KCNA6: variants seen among roughly 807,000 people sequenced by gnomAD.
KCNA6 encodes the protein human brain potassium channel-2.
Under a neutral mutation model 29.5 loss-of-function variants are expected in KCNA6, and 17 were observed. The observed-to-expected ratio is 0.58, with a 90% CI of 0.39 to 0.86. The LOEUF (loss-of-function observed/expected upper bound fraction) is 0.86, where lower values mean the gene tolerates loss of function less well. Ranked by LOEUF, KCNA6 falls within the 40% of genes least tolerant of loss-of-function variation. The pLI is 0.00. For missense variants in KCNA6, 450 were observed against 703.4 expected, an observed-to-expected ratio of 0.64 and a Z score of 4.07; for synonymous variants, 296 against 304.7, an observed-to-expected ratio of 0.97 and a Z score of 0.30.
chr12:4,836,881 T>C, the KCNA6 span, among the ~76,000 whole-genome samples: 2 of 152,246 alleles, frequency 1.3e-5, no homozygotes, highest in Non-Finnish European at 2.9e-5. Context: ...ACATTGCTTA[T>C]AATTGCTAGT....
At chr12:4,846,662 G>A in the KCNA6 span, among the ~76,000 whole-genome samples, 3 of 151,506 alleles carry the variant, frequency 2.0e-5, no homozygotes, top group Admixed American at 6.6e-5. Context: ...ACATGCAAAT[G>A]CACCAGGCTC....
At chr12:4,835,463 C>G in the KCNA6 span, among the ~76,000 whole-genome samples, 1 of 152,000 alleles carries the variant, frequency 6.6e-6, no homozygotes, top group African/African-American at 2.4e-5. Context: ...TTATTTTTTT[C>G]TTTCCTTTTT....
chr12:4,817,938 A>G (rs781362657), downstream of KCNA6, among the ~76,000 whole-genome samples: 1 of 152,228 alleles, frequency 6.6e-6, no homozygotes, highest in Non-Finnish European at 1.5e-5. Context: ...CAAAGGCGAC[A>G]TTTCAAAAGG....
rs778896791 is a variant in KCNA6, at chr12:4,811,564, G to A, written c.1523G>A (p.Arg508Gln). The A allele has an allele frequency of 1.9e-6, 3 of 1,614,224 alleles. No homozygotes were observed. Among genetic ancestry groups the A allele is most frequent in the Admixed American group, 1.7e-5 (1 of 60,036 alleles). Residue 508 changes from arginine (R) to glutamine (Q), a missense_variant, in exon 1 of 1, where the codon CGG becomes CAG. Arg to Gln is a conservative substitution (Grantham distance 43). Around this residue, in one of 7 missense-constraint regions of KCNA6, gnomAD observed 56 missense variants for 65.2 expected, o/e 0.86. Coordinates refer to ENST00000280684, the Ensembl canonical transcript of KCNA6. The surrounding 1 kb of genome is among the most constrained non-coding windows in gnomAD (Gnocchi z 7.1). Reference sequence around the variant, plus strand: ...GACTTCCCCGAGGCTAACCGGGAACGGAGACCCAGCTACCTTCCTACACCA... The same window carrying A: ...GACTTCCCCGAGGCTAACCGGGAACAGAGACCCAGCTACCTTCCTACACCA...
At chr12:4,822,582 A>G in the KCNA6 span, among the ~76,000 whole-genome samples, 15,633 of 152,226 alleles carry the variant, frequency 0.1, 953 homozygotes, top group South Asian at 0.19. Context: ...GGAATGTGTG[A>G]TGTAATTCAG....
At chr12:4,833,344 G>T in the KCNA6 span, among the ~76,000 whole-genome samples, 7 of 152,264 alleles carry the variant, frequency 4.6e-5, no homozygotes, top group African/African-American at 1.7e-4. Context: ...AGGTGGTGCT[G>T]CTGGGGGTTG....
the KCNA6 span, among the ~76,000 whole-genome samples, chr12:4,843,151 G>T: frequency 6.6e-6 from 1 of 151,362 alleles, no homozygotes; most frequent in Non-Finnish European, 1.5e-5. Context: ...TGGGTGGAGG[G>T]CAAAACAGTG....
chr12:4,830,629 G>A, the KCNA6 span, among the ~76,000 whole-genome samples: 1 of 152,250 alleles, frequency 6.6e-6, no homozygotes, highest in Admixed American at 6.5e-5. Flanking sequence ...TTCAAACCGA[G>A]GACTTTTGTT....
the KCNA6 span, among the ~76,000 whole-genome samples, chr12:4,842,324 T>C: frequency 6.6e-6 from 1 of 152,082 alleles, no homozygotes; most frequent in African/African-American, 2.4e-5. Context: ...ATGGTAAGTA[T>C]GAGCACGGTG....
At chr12:4,847,853 C>G in the KCNA6 span, among the ~76,000 whole-genome samples, 2 of 152,154 alleles carry the variant, frequency 1.3e-5, no homozygotes, top group African/African-American at 4.8e-5. Context: ...AGTGATGAAG[C>G]TGGGATCAGG....
At chr12:4,823,959 A>G in the KCNA6 span, among the ~76,000 whole-genome samples, 2,935 of 152,260 alleles carry the variant, frequency 0.019, 87 homozygotes, top group African/African-American at 0.066. Context: ...CTCTTGGTCT[A>G]TCTGTGAACA....
At chr12:4,834,721 C>T in the KCNA6 span, among the ~76,000 whole-genome samples, 1 of 152,216 alleles carries the variant, frequency 6.6e-6, no homozygotes, top group African/African-American at 2.4e-5. Context: ...CAGTAAAAGA[C>T]TGAGTTGAAA....
chr12:4,840,658 C>A, the KCNA6 span, among the ~76,000 whole-genome samples: 1 of 152,244 alleles, frequency 6.6e-6, no homozygotes, highest in African/African-American at 2.4e-5. Flanking sequence ...TTGAGCCTAA[C>A]TCCAATGAGA....
chr12:4,822,754 G>A, the KCNA6 span, among the ~76,000 whole-genome samples: 2 of 152,202 alleles, frequency 1.3e-5, no homozygotes, highest in Non-Finnish European at 2.9e-5. Flanking sequence ...GGGGATTCAT[G>A]AGTGGCATTG....
chr12:4,834,516 A>G, the KCNA6 span, among the ~76,000 whole-genome samples: 6 of 152,190 alleles, frequency 3.9e-5, no homozygotes, highest in African/African-American at 7.2e-5. Context: ...CTGAAGTACA[A>G]TGGTGGTAAA....
chr12:4,810,062 T>TA lies in KCNA6; in HGVS notation c.22dup (p.Thr8AsnfsTer32), dbSNP rs758097085. ...GGGGCATGAGATCGGAGAAATCCCTTACGCTGGCGGCGCCGGGGGAGGTCC... is the reference window on the plus strand; with the variant it reads ...GGGGCATGAGATCGGAGAAATCCCTTAACGCTGGCGGCGCCGGGGGAGGTCC... On this transcript the variant is annotated frameshift_variant, in exon 1 of 1. Coordinates refer to ENST00000280684, the Ensembl canonical transcript of KCNA6. LOFTEE classifies it high-confidence loss of function. The surrounding 1 kb of genome is among the most constrained non-coding windows in gnomAD (Gnocchi z 7.5). 3.2e-6 allele frequency: 5 copies of TA among 1,544,252 alleles called. No individual in the cohort carries two copies. The African/African-American group carries it at 5.5e-5, about 17-fold the overall frequency.
chr12:4,824,300 C>G, the KCNA6 span, among the ~76,000 whole-genome samples: 1 of 152,214 alleles, frequency 6.6e-6, no homozygotes, highest in South Asian at 2.1e-4. Flanking sequence ...TAAAACCACT[C>G]AAAGCTCTCA....
chr12:4,830,013 C>A, the KCNA6 span, among the ~76,000 whole-genome samples: 1 of 152,306 alleles, frequency 6.6e-6, no homozygotes, highest in Middle Eastern at 3.4e-3. Context: ...GCCTCCACTC[C>A]CCTGAGACTC....
chr12:4,817,359 C>G (rs988584989), downstream of KCNA6, among the ~76,000 whole-genome samples: 2 of 152,172 alleles, frequency 1.3e-5, no homozygotes. Flanking sequence ...GGCTTTTAGC[C>G]TCTCATCTTG....
Sources: gnomAD v4.1 joint callset for allele counts (sites outside exome capture counted in the v4.1 genomes callset) on GRCh38, gnomAD v4.1.1 for gene constraint, gnomAD v4.1.1 regional missense constraint, Gnocchi (gnomAD v3.1) non-coding constraint, MANE v1.5 for transcripts, NCBI Gene and HGNC (gene_info 2026-07-23, HGNC 2026-07-21) for gene names.